The following EBF1 variants were observed in gnomAD, a reference collection of about 807,000 sequenced individuals.
EBF1 encodes EBF transcription factor 1, also known as transcription factor COE1.
EBF1 carries 10 observed loss-of-function variants against 68.4 expected under a neutral mutation model. The ratio of observed to expected loss-of-function variants is 0.15; its 90% CI spans 0.09 to 0.25. EBF1 has a LOEUF of 0.25. EBF1 is among the 10% of genes least tolerant of loss of function. The pLI is 1.00. For missense variants in EBF1, 509 were observed against 794.4 expected, an observed-to-expected ratio of 0.64 and a Z score of 4.32; for synonymous variants, 298 against 299.8, an observed-to-expected ratio of 0.99 and a Z score of 0.06.
intron 10 of EBF1, among the ~76,000 whole-genome samples, chr5:158,735,204 C>G (rs142550097): frequency 2.0e-5 from 3 of 152,274 alleles, no homozygotes; most frequent in East Asian, 1.9e-4. Context: ...CCTCTACTTG[C>G]AGAGCTGGGA....
At chr5:159,003,457 C>T (rs1365696010) in intron 6 of EBF1, among the ~76,000 whole-genome samples, 2 of 117,096 alleles carry the variant, frequency 1.7e-5, no homozygotes, top group East Asian at 4.6e-4. Flanking sequence ...AACACAACTG[C>T]AGGAAAAAAA....
chr5:158,839,000 A>G (rs1161488836), intron 7 of EBF1, among the ~76,000 whole-genome samples: 1 of 152,174 alleles, frequency 6.6e-6, no homozygotes, highest in Non-Finnish European at 1.5e-5. Context: ...TTCCAGTCCC[A>G]CCCCAGACCT....
chr5:158,929,301 G>C (rs1267991609), intron 6 of EBF1, among the ~76,000 whole-genome samples: 1 of 152,174 alleles, frequency 6.6e-6, no homozygotes, highest in Non-Finnish European at 1.5e-5. Context: ...ATCAGCCTTT[G>C]TATCAGGCAT....
At chr5:158,939,047 A>AT (rs1402274637) in intron 6 of EBF1, among the ~76,000 whole-genome samples, 1 of 152,104 alleles carries the variant, frequency 6.6e-6, no homozygotes, top group Non-Finnish European at 1.5e-5. Flanking sequence ...TGTCCATATT[A>AT]TTTTCTGCTG....
In EBF1 at chr5:158,804,143, T is replaced by C. The variant is rs1048574821; in HGVS notation, c.779-7668A>G. Among the ~76,000 whole-genome samples the C allele has an allele frequency of 2.6e-5, 4 of 151,596 alleles. 1 individual carries two copies. The East Asian group carries it at 7.8e-4, about 29-fold the overall frequency. Reference sequence around the variant, plus strand: ...TCATTTGGCAAGAATGCCCTTTGCTTTGACAGCATTAATGGCTCTCGCAGA... The same window carrying C: ...TCATTTGGCAAGAATGCCCTTTGCTCTGACAGCATTAATGGCTCTCGCAGA... On this transcript the variant is annotated intron_variant, in intron 8 of 15. Transcript: ENST00000313708.
At chr5:158,732,771 A>AT (rs987844822) in intron 10 of EBF1, among the ~76,000 whole-genome samples, 3 of 152,042 alleles carry the variant, frequency 2.0e-5, no homozygotes, top group Admixed American at 2.0e-4. Flanking sequence ...TATTAGAAAG[A>AT]TTTTTTTCCC....
chr5:159,087,874 A>G (rs1780991445), intron 4 of EBF1, among the ~76,000 whole-genome samples: 1 of 152,168 alleles, frequency 6.6e-6, no homozygotes, highest in South Asian at 2.1e-4. Flanking sequence ...ATTTGCTCAG[A>G]AATAGTTAGG....
intron 4 of EBF1, 77 bp downstream of exon 4, chr5:159,095,543 G>A (rs1270873566): frequency 6.5e-7 from 1 of 1,549,840 alleles, no homozygotes; most frequent in African/African-American, 1.4e-5. Context: ...GCCCACCTGC[G>A]GTGGAGCAAC....
At chr5:158,840,251 T>A (rs1789913939) in intron 6 of EBF1, 141 bp from the exon 7 acceptor site, 1 of 638,414 alleles carries the variant, frequency 1.6e-6, no homozygotes, top group Non-Finnish European at 2.7e-6. Context: ...GAGCCAATAT[T>A]TCATTTGTGG....
At chr5:158,808,269 T>G (rs1781967962) in intron 8 of EBF1, among the ~76,000 whole-genome samples, 1 of 152,204 alleles carries the variant, frequency 6.6e-6, no homozygotes, top group Admixed American at 6.5e-5. Context: ...TCTGGGCTGT[T>G]CTGTCTGGAC....
intron 11 of EBF1, among the ~76,000 whole-genome samples, chr5:158,727,835 A>G (rs1343800227): frequency 6.6e-6 from 1 of 152,234 alleles, no homozygotes; most frequent in African/African-American, 2.4e-5. Context: ...AGTTTTTTTG[A>G]AAAAGCACAT....
intron 10 of EBF1, among the ~76,000 whole-genome samples, chr5:158,740,044 C>T (rs192753355): frequency 1.3e-5 from 2 of 152,298 alleles, no homozygotes; most frequent in African/African-American, 4.8e-5. Context: ...GAGCTGATCC[C>T]TTTTCACTGG....
At chr5:159,082,028 G>C (rs1028035380) in intron 5 of EBF1, among the ~76,000 whole-genome samples, 3 of 152,152 alleles carry the variant, frequency 2.0e-5, no homozygotes, top group Non-Finnish European at 4.4e-5. Flanking sequence ...ATGGTGGCCA[G>C]TCCCTTATCC....
In EBF1 at chr5:158,796,386, C is replaced by T; in HGVS notation, c.868G>A (p.Gly290Arg). 1 of 1,613,702 alleles carries T rather than the reference C, an allele frequency of 6.2e-7. No homozygotes were observed. The highest frequency in any genetic ancestry group is 8.5e-7 in the Non-Finnish European group (1 of 1,179,736). ...ATGGTACCGAATATGACCTGTAACC[C>T]ATCAAAGAAATTGTCCCCTATGATG... ...VIIIGDNFFDGLQVIFGTMLV... is the reference protein window; with the variant it reads ...VIIIGDNFFDRLQVIFGTMLV... The change falls in exon 9 of 16, where the codon GGG becomes AGG. Residue 290 changes from glycine to arginine, a missense_variant. Coordinates refer to ENST00000313708, the MANE Select transcript of EBF1 (RefSeq NM_024007.5).
intron 8 of EBF1, among the ~76,000 whole-genome samples, chr5:158,808,268 T>C (rs139226169): frequency 2.2e-3 from 329 of 152,298 alleles, no homozygotes; most frequent in African/African-American, 7.7e-3. Context: ...GTCTGGGCTG[T>C]TCTGTCTGGA....
intron 9 of EBF1, among the ~76,000 whole-genome samples, chr5:158,782,831 G>C (rs1048810542): frequency 6.6e-6 from 1 of 152,046 alleles, no homozygotes; most frequent in African/African-American, 2.4e-5. Flanking sequence ...GTCCAGGTGA[G>C]TCTACTGTTC....
At chr5:158,800,916 C>T (rs1458880134) in intron 8 of EBF1, among the ~76,000 whole-genome samples, 2 of 152,116 alleles carry the variant, frequency 1.3e-5, no homozygotes, top group Non-Finnish European at 2.9e-5. Flanking sequence ...ACCACTTTTA[C>T]CAGCAAATTT....
chr5:159,089,660 A>G (rs1781281614), intron 4 of EBF1, among the ~76,000 whole-genome samples: 1 of 151,172 alleles, frequency 6.6e-6, no homozygotes, highest in Non-Finnish European at 1.5e-5. Flanking sequence ...AATACTTTTG[A>G]CTTTGGTTCA....
intron 14 of EBF1, among the ~76,000 whole-genome samples, chr5:158,708,711 C>A (rs1303496969): frequency 6.6e-6 from 1 of 152,066 alleles, no homozygotes; most frequent in Non-Finnish European, 1.5e-5. Flanking sequence ...CCAGGTAGAG[C>A]CTAAACTAAA....
Sources: allele counts gnomAD v4.1 joint callset (sites outside exome capture counted in the v4.1 genomes callset), GRCh38; gene constraint gnomAD v4.1.1; transcripts MANE v1.5; gene names NCBI Gene and HGNC (gene_info 2026-07-23, HGNC 2026-07-21).